The following KIRREL3 variants were observed in gnomAD, a reference collection of about 807,000 sequenced individuals.
KIRREL3 encodes kin of IRRE-like protein 3.
A neutral mutation model predicts 89.7 loss-of-function variants in KIRREL3; 36 were observed. The ratio of observed to expected loss-of-function variants is 0.40; its 90% CI spans 0.31 to 0.53. KIRREL3 has a LOEUF of 0.53. Among genes scored for constraint, KIRREL3 ranks in the 20% least tolerant of loss-of-function variants. The probability of loss-of-function intolerance (pLI) is 0.49; values close to 1 mark genes in which losing one functional copy is unlikely to be tolerated. For synonymous variants in KIRREL3, 445 were observed against 441.4 expected (o/e 1.01, Z -0.10); for missense variants, 864 against 1,056.6 (o/e 0.82, Z 2.53).
Position 126,606,868 on chromosome 11 carries a change from G to T in KIRREL3, c.56-43956C>A, listed in dbSNP as rs2134772595. ...ACTGATTAAAGATGGGAAGGGATTT[G>T]GGGGGTCAAGGGAGGACTCTGGATG... On this transcript the variant is annotated intron_variant, in intron 1 of 16. Coordinates refer to ENST00000525144, the MANE Select transcript of KIRREL3 (RefSeq NM_032531.4). This position sits in a 1 kb window ranked among gnomAD's most constrained non-coding sequence, Gnocchi z 4.6. 6.6e-6 allele frequency among the ~76,000 whole-genome samples: 1 copy of T among 152,078 alleles called. No homozygotes were observed. The highest frequency in any genetic ancestry group is 2.1e-4 in the South Asian group (1 of 4,802).
intron 7 of KIRREL3, among the ~76,000 whole-genome samples, chr11:126,450,661 G>A (rs987652019): frequency 2.7e-5 from 4 of 147,276 alleles, no homozygotes; most frequent in African/African-American, 5.4e-5. Flanking sequence ...GTGTGCATGA[G>A]TGTGTGTGTG....
chr11:126,543,617 C>T (rs1231804254), intron 2 of KIRREL3, among the ~76,000 whole-genome samples: 3 of 152,082 alleles, frequency 2.0e-5, no homozygotes, highest in African/African-American at 4.8e-5. Context: ...CCTACCTGCC[C>T]CCAGCTGAGC....
chr11:126,547,975 A>G (rs1248780732), intron 2 of KIRREL3, among the ~76,000 whole-genome samples: 2 of 152,106 alleles, frequency 1.3e-5, no homozygotes, highest in Admixed American at 6.6e-5. Context: ...CCTCCTCAGA[A>G]TGTGGATAAC....
rs1221256466 is a variant in KIRREL3 at position 126,740,259 on chromosome 11, A to G, written c.56-177347T>C. On this transcript the variant is annotated intron_variant, in intron 1 of 16. Coordinates refer to ENST00000525144, the MANE Select transcript of KIRREL3 (RefSeq NM_032531.4). The surrounding 1 kb of genome is among the most constrained non-coding windows in gnomAD (Gnocchi z 6.0). ...GCTATAGTGGGGGAGTTCTACGGTG[A>G]TTAATGGAAGAAAATGCAGATGGGG... Among the ~76,000 whole-genome samples the G allele has an allele frequency of 6.6e-6, 1 of 152,156 alleles. No homozygotes were observed. The highest frequency in any genetic ancestry group is 1.5e-5 in the Non-Finnish European group (1 of 68,034).
rs1170266832 is a variant in KIRREL3, at chr11:126,563,521, G to C, written c.56-609C>G. Reference sequence around the variant, plus strand: ...TGCGTTTCTGGTGCTAGAGATTCCTGTGCCTTCCTATATCAAGGCCCAATT... The same window carrying C: ...TGCGTTTCTGGTGCTAGAGATTCCTCTGCCTTCCTATATCAAGGCCCAATT... On this transcript the variant is annotated intron_variant, in intron 1 of 16. Coordinates refer to ENST00000525144, the MANE Select transcript of KIRREL3 (RefSeq NM_032531.4). This position sits in a 1 kb window ranked among gnomAD's most constrained non-coding sequence, Gnocchi z 6.8. Among the ~76,000 whole-genome samples, 1 of 152,116 alleles carries C rather than the reference G, an allele frequency of 6.6e-6. No homozygotes were observed. The highest frequency in any genetic ancestry group is 1.5e-5 in the Non-Finnish European group (1 of 68,024).
chr11:126,468,465 A>C (rs372550921), intron 5 of KIRREL3, among the ~76,000 whole-genome samples: 1 of 152,100 alleles, frequency 6.6e-6, no homozygotes, highest in East Asian at 1.9e-4. Context: ...TGTTAAGGAG[A>C]AGCATGGCCA....
chr11:126,781,704 G>A (rs1318038960), intron 1 of KIRREL3, among the ~76,000 whole-genome samples: 3 of 151,962 alleles, frequency 2.0e-5, no homozygotes, highest in African/African-American at 7.3e-5. Context: ...AACTCCCTTC[G>A]GCCCATGCAT....
At chr11:126,460,417 A>C (rs975282191) in intron 6 of KIRREL3, among the ~76,000 whole-genome samples, 1 of 152,154 alleles carries the variant, frequency 6.6e-6, no homozygotes, top group African/African-American at 2.4e-5. Flanking sequence ...CCATGTACAG[A>C]GGAGGAAATC....
At chr11:126,907,319 G>C (rs1162992400) in intron 1 of KIRREL3, among the ~76,000 whole-genome samples, 2 of 152,128 alleles carry the variant, frequency 1.3e-5, no homozygotes, top group African/African-American at 2.4e-5. Context: ...ATCAGATCAT[G>C]ATCTGTGTCA....
Position 126,808,019 on chromosome 11 carries a change from G to A in KIRREL3, c.55+192436C>T, listed in dbSNP as rs1221457837. Among the ~76,000 whole-genome samples, 1 of 152,200 alleles carries A rather than the reference G, an allele frequency of 6.6e-6. No individual in the cohort carries two copies. Among genetic ancestry groups the A allele is most frequent in the African/African-American group, 2.4e-5 (1 of 41,448 alleles). On this transcript the variant is annotated intron_variant, in intron 1 of 16. Coordinates refer to ENST00000525144, the MANE Select transcript of KIRREL3 (RefSeq NM_032531.4). This position sits in a 1 kb window ranked among gnomAD's most constrained non-coding sequence, Gnocchi z 4.1. ...GTGTGAGGCTCAGCACTGGATAAAT[G>A]GGGAAAGAATGAATGTCTGAACTAG...
chr11:126,986,758 C>T (rs539149728), intron 1 of KIRREL3, among the ~76,000 whole-genome samples: 9 of 152,298 alleles, frequency 5.9e-5, no homozygotes, highest in Admixed American at 3.3e-4. Flanking sequence ...GGACAGATCC[C>T]GATTCCTGAT....
intron 1 of KIRREL3, among the ~76,000 whole-genome samples, chr11:126,712,511 C>T (rs1256782327): frequency 6.6e-6 from 1 of 152,216 alleles, no homozygotes; most frequent in East Asian, 1.9e-4. Flanking sequence ...GGGTTGCCCC[C>T]TTTTCCTAGG....
In KIRREL3 at chr11:126,736,565, T is replaced by C. The variant is rs1948807675; in HGVS notation, c.56-173653A>G. 6.6e-6 allele frequency among the ~76,000 whole-genome samples: 1 copy of C among 152,082 alleles called. No homozygotes were observed. Among genetic ancestry groups the C allele is most frequent in the Non-Finnish European group, 1.5e-5 (1 of 68,018 alleles). On this transcript the variant is annotated intron_variant, in intron 1 of 16. Transcript: ENST00000525144. The surrounding 1 kb of genome is among the most constrained non-coding windows in gnomAD (Gnocchi z 5.0). Reference sequence around the variant, plus strand: ...GGACATTTGAGAACATCTGAAGATATTTTCGGTTGTTACAACTAAGTGGGG... The same window carrying C: ...GGACATTTGAGAACATCTGAAGATACTTTCGGTTGTTACAACTAAGTGGGG...
At position 126,906,931 on chromosome 11, in the gene KIRREL3, G is replaced by C. The variant is rs1038829556; in HGVS notation, c.55+93524C>G. ...CCATTTGATAAAGAAAAAGCATTTA[G>C]AAAGGTTCATTGTTTAGATATTGAA... On this transcript the variant is annotated intron_variant, in intron 1 of 16. Coordinates refer to ENST00000525144, the MANE Select transcript of KIRREL3 (RefSeq NM_032531.4). The surrounding 1 kb of genome is among the most constrained non-coding windows in gnomAD (Gnocchi z 4.1). Among the ~76,000 whole-genome samples, 1 of 152,194 alleles carries C rather than the reference G, an allele frequency of 6.6e-6. No homozygotes were observed. Among genetic ancestry groups the C allele is most frequent in the African/African-American group, 2.4e-5 (1 of 41,456 alleles).
At chr11:126,714,168 T>C (rs992813192) in intron 1 of KIRREL3, among the ~76,000 whole-genome samples, 2 of 152,160 alleles carry the variant, frequency 1.3e-5, no homozygotes, top group African/African-American at 4.8e-5. Context: ...CTCAATTTTG[T>C]ACCTAGAGCA....
Position 126,996,803 on chromosome 11 carries a change from C to T in KIRREL3, c.55+3652G>A, listed in dbSNP as rs1226371220. Among the ~76,000 whole-genome samples, 1 of 152,190 alleles carries T rather than the reference C, an allele frequency of 6.6e-6. No individual in the cohort carries two copies. The highest frequency in any genetic ancestry group is 1.9e-4 in the East Asian group (1 of 5,188). On this transcript the variant is annotated intron_variant, in intron 1 of 16. Transcript: ENST00000525144. The surrounding 1 kb of genome is among the most constrained non-coding windows in gnomAD (Gnocchi z 4.7). The stretch of plus-strand genomic sequence containing the variant: ...ATTAACAGGTAAATGCAAGTTTTCA[C>T]TTTTACCCCAATACAGTACAGTGTG...
rs1957290954 is a variant in KIRREL3, at chr11:126,484,155, C to T, written c.434-10689G>A. Among the ~76,000 whole-genome samples the T allele has an allele frequency of 6.6e-6, 1 of 152,186 alleles. No homozygotes were observed. Among genetic ancestry groups the T allele is most frequent in the African/African-American group, 2.4e-5 (1 of 41,438 alleles). ...TTGCCTGGTGCCTTGCCTGATCCCA[C>T]TGAATTAGAAGCCCCCTCCCCACCT... On this transcript the variant is annotated intron_variant, in intron 4 of 16. Transcript: ENST00000525144. The surrounding 1 kb of genome is among the most constrained non-coding windows in gnomAD (Gnocchi z 5.2).
At chr11:126,925,623 C>T (rs556656864) in intron 1 of KIRREL3, among the ~76,000 whole-genome samples, 2 of 152,288 alleles carry the variant, frequency 1.3e-5, no homozygotes, top group East Asian at 1.9e-4. Context: ...CACCAGCCGT[C>T]CAGCTTCATT....
intron 12 of KIRREL3, 119 bp downstream of exon 12, chr11:126,436,692 A>G: frequency 9.5e-7 from 1 of 1,054,538 alleles, no homozygotes. Context: ...CAGGAAGAGC[A>G]CTGTGGCTTG....
Sources: gnomAD v4.1 joint callset for allele counts (sites outside exome capture counted in the v4.1 genomes callset) on GRCh38, gnomAD v4.1.1 for gene constraint, Gnocchi (gnomAD v3.1) non-coding constraint, MANE v1.5 for transcripts, NCBI Gene and HGNC (gene_info 2026-07-23, HGNC 2026-07-21) for gene names.